Variants in SAMD11 observed in about 807,000 individuals in gnomAD.
SAMD11 encodes sterile alpha motif domain-containing protein 11.
In SAMD11, 77 loss-of-function variants were observed where a neutral mutation model predicts 64.4. That is an observed-to-expected ratio of 1.20 (90% CI 0.99 to 1.44). The LOEUF (loss-of-function observed/expected upper bound fraction) is 1.44, where lower values mean the gene tolerates loss of function less well. Ranked by LOEUF, SAMD11 falls within the 40% of genes most tolerant of loss-of-function variation. The pLI, the probability that SAMD11 is intolerant of heterozygous loss-of-function variation, is 0.00. For synonymous variants in SAMD11, 658 were observed against 421.9 expected, an observed-to-expected ratio of 1.56 and a Z score of -6.86; for missense variants, 1,402 against 943.3, an observed-to-expected ratio of 1.49 and a Z score of -6.37.
intron 2 of SAMD11, 143 bp downstream of exon 2, chr1:926,156 G>A: frequency 1.3e-6 from 1 of 799,196 alleles, no homozygotes; most frequent in Non-Finnish European, 2.1e-6. Context: ...GCAGGGGGAA[G>A]CGGCTTTACC....
At chr1:928,127 CGCA>C (rs1640982885) in intron 2 of SAMD11, among the ~76,000 whole-genome samples, 1 of 152,170 alleles carries the variant, frequency 6.6e-6, no homozygotes, top group South Asian at 2.1e-4. Context: ...GGTGTGGTGG[CGCA>C]TGCCTGTAAT....
chr1:931,643 C>T (rs1378567495), intron 4 of SAMD11, among the ~76,000 whole-genome samples: 1 of 152,188 alleles, frequency 6.6e-6, no homozygotes, highest in Admixed American at 6.5e-5. Flanking sequence ...TGGGCACCGT[C>T]CTCCAGGCGG....
At position 924,851 on chromosome 1, in the gene SAMD11, C is replaced by T. The variant is rs539576510; in HGVS notation, c.420C>T (p.Ser140=). 1.3e-5 allele frequency: 2 copies of T among 152,348 alleles called. No individual in the cohort carries two copies. Among genetic ancestry groups the T allele is most frequent in the East Asian group, 3.9e-4 (2 of 5,168 alleles). The allele number at this position is 152,348 out of a possible 1,614,324, so 9.4% of individuals were successfully genotyped here. A position where few individuals can be genotyped will look rare whatever the true frequency, so the allele number is the denominator to read the frequency against. ...TCTGCCAGGGCAGCAAGGGCCCGTC[C>T]ATCCGCCACCGCGGCGAGTGGCTCA... The part of the protein sequence containing the change: ...RKLCQGSKGP[S]IRHRGEWLTP... The change falls in exon 1 of 14, where the codon TCC becomes TCT. Residue 140 remains serine (S), a synonymous_variant. Coordinates refer to ENST00000616016, the MANE Select transcript of SAMD11 (RefSeq NM_001385641.1).
At chr1:940,738 G>A (rs1405636229) in intron 7 of SAMD11, among the ~76,000 whole-genome samples, 1 of 152,238 alleles carries the variant, frequency 6.6e-6, no homozygotes, top group Non-Finnish European at 1.5e-5. Flanking sequence ...GTCTACTATG[G>A]GGACCTCAGA....
At chr1:931,171 G>A (rs1641155261) in intron 4 of SAMD11, 82 bp downstream of exon 4, 2 of 1,226,170 alleles carry the variant, frequency 1.6e-6, no homozygotes, top group Non-Finnish European at 2.3e-6. Context: ...CCTGCTGTCT[G>A]CTGTCCGCTG....
intron 7 of SAMD11, 181 bp from the exon 8 acceptor site, chr1:940,963 T>A: frequency 1.9e-6 from 1 of 525,940 alleles, no homozygotes; most frequent in South Asian, 2.7e-5. Context: ...CCCAGCATCT[T>A]GTCTGCCGTC....
Position 942,398 on chromosome 1 carries a change from C to G in SAMD11, c.1475-12C>G, listed in dbSNP as rs747869301. 1 of 1,451,770 alleles carries G rather than the reference C, an allele frequency of 6.9e-7. No homozygotes were observed. Among genetic ancestry groups the G allele is most frequent in the Admixed American group, 2.4e-5 (1 of 41,992 alleles). 89.9% of individuals were successfully genotyped at this position (1,451,770 alleles called of 1,614,324 possible). On this transcript the variant is annotated splice_polypyrimidine_tract_variant and intron_variant, in intron 9 of 13. Transcript: ENST00000616016. ...GGACCCCCCGACCCCGCGTTGTCCC[C>G]CTCCCCACCAGGCTACGGCTTCCTG...
chr1:944,329 G>A lies in SAMD11; in HGVS notation c.*176G>A, dbSNP rs1305405090. ...TTTTCAAAGACTTGGGGGAGTGAAG[G>A]CAGAGCCTGGTGCAGATGGACGAGG... is the stretch of plus-strand genomic sequence containing the variant. On this transcript the variant is annotated 3_prime_UTR_variant, in exon 14 of 14. Transcript: ENST00000616016. 1.4e-6 allele frequency: 2 copies of A among 1,384,724 alleles called. No homozygotes were observed. Among genetic ancestry groups the A allele is most frequent in the East Asian group, 2.7e-5 (1 of 36,394 alleles). 85.8% of individuals were successfully genotyped at this position (1,384,724 alleles called of 1,614,324 possible). A position where few individuals can be genotyped will look rare whatever the true frequency, so the allele number is the denominator to read the frequency against.
chr1:930,401 A>G, intron 3 of SAMD11, 65 bp downstream of exon 3: 1 of 1,493,060 alleles, frequency 6.7e-7, no homozygotes, highest in Non-Finnish European at 9.0e-7. Context: ...TCAGGCCTTC[A>G]GCTGCTCAGA....
rs943131278 is a variant in SAMD11, at chr1:942,328, G to A, written c.1474+77G>A. The A allele has an allele frequency of 1.0e-5, 11 of 1,092,662 alleles. No individual in the cohort carries two copies. In the South Asian group the frequency reaches 2.0e-4, roughly 20 times the overall value. The allele number at this position is 1,092,662 out of a possible 1,614,324, so 67.7% of individuals were successfully genotyped here. ...CCGGCCCTGCCCCTGTCGGAGCCGA[G>A]ACGGACCGGGTAGGGGATTGCAAAG... On this transcript the variant is annotated intron_variant, in intron 9 of 13. Coordinates refer to ENST00000616016, the MANE Select transcript of SAMD11 (RefSeq NM_001385641.1).
At chr1:941,981 CGG>C (rs896723286) in intron 8 of SAMD11, 153 bp from the exon 9 acceptor site, 1 of 373,434 alleles carries the variant, frequency 2.7e-6, no homozygotes, top group Non-Finnish European at 4.8e-6. Context: ...GCGCCGCCGG[CGG>C]GGGCGGGGAT....
chr1:936,541 C>T (rs1451398782), intron 5 of SAMD11, among the ~76,000 whole-genome samples: 1 of 152,144 alleles, frequency 6.6e-6, no homozygotes, highest in Non-Finnish European at 1.5e-5. Context: ...GGACCAGGCC[C>T]CCCTCAGAGG....
chr1:930,947 G>T, intron 3 of SAMD11, 92 bp from the exon 4 acceptor site: 1 of 1,298,880 alleles, frequency 7.7e-7, no homozygotes, highest in South Asian at 1.2e-5. Context: ...GCGGGGCACT[G>T]ACCCGAGACA....
rs1238849341 is a variant in SAMD11, at chr1:944,454, C to G, written c.*301C>G. On this transcript the variant is annotated 3_prime_UTR_variant, in exon 14 of 14. Transcript: ENST00000616016. ...CGGTCTGCTGACGTCAGGGTCAGCTCCCCCGCGGAGCTGACTTCAGCAGCC... is the reference window on the plus strand; with the variant it reads ...CGGTCTGCTGACGTCAGGGTCAGCTGCCCCGCGGAGCTGACTTCAGCAGCC... The G allele has an allele frequency of 4.6e-6, 4 of 866,732 alleles. No homozygotes were observed. The highest frequency in any genetic ancestry group is 6.6e-6 in the Non-Finnish European group (4 of 605,824). 53.7% of individuals were successfully genotyped at this position (866,732 alleles called of 1,614,324 possible). A position where few individuals can be genotyped will look rare whatever the true frequency, so the allele number is the denominator to read the frequency against.
chr1:939,238 C>T (rs994686792), intron 6 of SAMD11, 37 bp from the exon 7 acceptor site: 34 of 1,563,782 alleles, frequency 2.2e-5, no homozygotes, highest in Non-Finnish European at 2.9e-5. Flanking sequence ...CTCGGCAGTG[C>T]CTGGAGAAAC....
At chr1:940,631 A>G (rs1288357330) in intron 7 of SAMD11, among the ~76,000 whole-genome samples, 1 of 151,930 alleles carries the variant, frequency 6.6e-6, no homozygotes, top group Non-Finnish European at 1.5e-5. Flanking sequence ...CACGCGGGAC[A>G]GTGACCCTGC....
chr1:931,113 T>C (rs1034901631), intron 4 of SAMD11, 24 bp downstream of exon 4: 2 of 1,607,906 alleles, frequency 1.2e-6, no homozygotes, highest in African/African-American at 2.7e-5. Context: ...TGTGCGTGCA[T>C]AAGAGGGGGC....
At chr1:935,657 G>GTCATCCCCACGCTCA in intron 4 of SAMD11, 115 bp from the exon 5 acceptor site, 1 of 1,392,368 alleles carries the variant, frequency 7.2e-7, no homozygotes, top group Non-Finnish European at 9.9e-7. Context: ...CAGCAACGTG[G>GTCATCCCCACGCTCA]CACTCAGAGG....
chr1:941,335 G>T, intron 8 of SAMD11, 29 bp downstream of exon 8: 3 of 1,507,712 alleles, frequency 2.0e-6, no homozygotes, highest in Non-Finnish European at 1.8e-6. Flanking sequence ...TTCTCTGCTT[G>T]TTTCTGGGGT....
Sources: allele counts gnomAD v4.1 joint callset (sites outside exome capture counted in the v4.1 genomes callset), GRCh38; gene constraint gnomAD v4.1.1; transcripts MANE v1.5; gene names NCBI Gene and HGNC (gene_info 2026-07-23, HGNC 2026-07-21).